The following TMED7 variants were observed in gnomAD, a reference collection of about 807,000 sequenced individuals.
The protein encoded by TMED7 is transmembrane p24 trafficking protein 7.
In TMED7, 8 loss-of-function variants were observed where a neutral mutation model predicts 23.4. That is an observed-to-expected ratio of 0.34 (90% CI 0.20 to 0.62). The LOEUF (loss-of-function observed/expected upper bound fraction) is 0.62, where lower values mean the gene tolerates loss of function less well. Among genes scored for constraint, TMED7 ranks in the 20% least tolerant of loss-of-function variants. TMED7 has a pLI of 0.77. For synonymous variants in TMED7, 121 were observed against 108.5 expected (o/e 1.12, Z -0.72); for missense variants, 232 against 279.1 (o/e 0.83, Z 1.20).
rs923575864 is a variant in TMED7 at position 115,614,512 on chromosome 5, T to G, written c.*1697A>C. 1 of 152,548 alleles carries G rather than the reference T, an allele frequency of 6.6e-6. No homozygotes were observed. Among genetic ancestry groups the G allele is most frequent in the African/African-American group, 2.4e-5 (1 of 41,456 alleles). The allele number at this position is 152,548 out of a possible 1,614,324, so 9.4% of individuals were successfully genotyped here. Reference sequence around the variant, plus strand: ...TCAAATTTAAATATAAAGGGACACTTGCAAAGCCGCAAGACAACTTCAGTA... The same window carrying G: ...TCAAATTTAAATATAAAGGGACACTGGCAAAGCCGCAAGACAACTTCAGTA... On this transcript the variant is annotated 3_prime_UTR_variant, in exon 3 of 3. Coordinates refer to ENST00000456936, the MANE Select transcript of TMED7 (RefSeq NM_181836.6).
chr5:115,621,332 A>C (rs766564995), intron 1 of TMED7, among the ~76,000 whole-genome samples: 1 of 152,212 alleles, frequency 6.6e-6, no homozygotes. Flanking sequence ...GAACTACACT[A>C]TAAGTTGAGT....
At chr5:115,624,265 C>G (rs371769335) in intron 1 of TMED7, among the ~76,000 whole-genome samples, 7 of 152,138 alleles carry the variant, frequency 4.6e-5, no homozygotes, top group South Asian at 4.1e-4. Flanking sequence ...GTAAGTAAGC[C>G]TAAGGGTCAT....
At chr5:115,625,541 G>A (rs1757170758) in intron 1 of TMED7, 60 bp downstream of exon 1, 1 of 1,430,976 alleles carries the variant, frequency 7.0e-7, no homozygotes, top group Admixed American at 2.8e-5. Flanking sequence ...CATCCCTCAA[G>A]TTACACCCCC....
chr5:115,621,768 G>A (rs139478002), intron 1 of TMED7, among the ~76,000 whole-genome samples: 9 of 152,248 alleles, frequency 5.9e-5, no homozygotes, highest in African/African-American at 2.2e-4. Flanking sequence ...CAGAGTGAAC[G>A]TATACACATT....
rs1424994394 is a variant in TMED7 at position 115,615,703 on chromosome 5, TTAAC to T, written c.*502_*505del. On this transcript the variant is annotated 3_prime_UTR_variant, in exon 3 of 3. Transcript: ENST00000456936. The stretch of plus-strand genomic sequence containing the variant: ...TCAATTTTACCATGATATATCAATA[TTAAC>T]TAACATTCCTATGGTAGATTTATTT... The T allele has an allele frequency of 3.9e-5, 6 of 154,044 alleles. No individual in the cohort carries two copies. Among genetic ancestry groups the T allele is most frequent in the African/African-American group, 1.4e-4 (6 of 41,466 alleles). The allele number at this position is 154,044 out of a possible 1,614,324, so 9.5% of individuals were successfully genotyped here.
intron 1 of TMED7, among the ~76,000 whole-genome samples, chr5:115,623,977 T>C (rs963097269): frequency 6.6e-6 from 1 of 152,200 alleles, no homozygotes; most frequent in African/African-American, 2.4e-5. Flanking sequence ...TTAGCCTATC[T>C]AAACCTCAGT....
intron 2 of TMED7, among the ~76,000 whole-genome samples, chr5:115,618,867 T>C (rs1756903703): frequency 6.6e-6 from 1 of 152,136 alleles, no homozygotes. Flanking sequence ...TAAAAAATGG[T>C]GAGAGTAAAA....
intron 1 of TMED7, 45 bp downstream of exon 1, chr5:115,625,556 C>T (rs1413033449): frequency 1.4e-6 from 2 of 1,481,424 alleles, no homozygotes; most frequent in Non-Finnish European, 1.8e-6. Context: ...ACCCCCAATC[C>T]TGGAGCCGCG....
chr5:115,622,139 T>C (rs906410135), intron 1 of TMED7, among the ~76,000 whole-genome samples: 1 of 152,208 alleles, frequency 6.6e-6, no homozygotes, highest in Non-Finnish European at 1.5e-5. Context: ...CATTTTGCTA[T>C]ACTGAATTAT....
chr5:115,625,982 C>T lies in TMED7; in HGVS notation c.-190G>A. The T allele has an allele frequency of 1.4e-6, 1 of 730,008 alleles. No homozygotes were observed. The highest frequency in any genetic ancestry group is 1.9e-6 in the Non-Finnish European group (1 of 523,672). 45.2% of individuals were successfully genotyped at this position (730,008 alleles called of 1,614,324 possible). On this transcript the variant is annotated 5_prime_UTR_variant, in exon 1 of 3. Transcript: ENST00000456936. Reference sequence around the variant, plus strand: ...CCTGTGAGGGGCGCAGACGGGCGGACCTGGGGAGGTAAAAGAGAAGCGGAA... The same window carrying T: ...CCTGTGAGGGGCGCAGACGGGCGGATCTGGGGAGGTAAAAGAGAAGCGGAA...
chr5:115,624,739 T>C (rs768668484), intron 1 of TMED7, among the ~76,000 whole-genome samples: 8 of 152,212 alleles, frequency 5.3e-5, no homozygotes, highest in Non-Finnish European at 7.3e-5. Flanking sequence ...CCTCCTCCCT[T>C]ACCAAGGTGT....
At position 115,615,700 on chromosome 5, in the gene TMED7, A is replaced by G. The variant is rs1756700454; in HGVS notation, c.*509T>C. On this transcript the variant is annotated 3_prime_UTR_variant, in exon 3 of 3. Coordinates refer to ENST00000456936, the MANE Select transcript of TMED7 (RefSeq NM_181836.6). ...AAATCAATTTTACCATGATATATCAATATTAACTAACATTCCTATGGTAGA... is the reference window on the plus strand; with the variant it reads ...AAATCAATTTTACCATGATATATCAGTATTAACTAACATTCCTATGGTAGA... 6.5e-6 allele frequency: 1 copy of G among 154,100 alleles called. No homozygotes were observed. The highest frequency in any genetic ancestry group is 1.4e-5 in the Non-Finnish European group (1 of 68,998). 9.5% of individuals were successfully genotyped at this position (154,100 alleles called of 1,614,324 possible). A position where few individuals can be genotyped will look rare whatever the true frequency, so the allele number is the denominator to read the frequency against.
Position 115,615,184 on chromosome 5 carries a change from A to G in TMED7, c.*1025T>C, listed in dbSNP as rs1756661923. The G allele has an allele frequency of 6.6e-6, 1 of 152,528 alleles. No homozygotes were observed. The highest frequency in any genetic ancestry group is 2.1e-4 in the South Asian group (1 of 4,832). 9.4% of individuals were successfully genotyped at this position (152,528 alleles called of 1,614,324 possible). ...ATTTTTAAATCACTTTAGGGTAGCT[A>G]ACCAGAAACTACAGAAATAAAATAT... On this transcript the variant is annotated 3_prime_UTR_variant, in exon 3 of 3. Transcript: ENST00000456936.
At chr5:115,624,533 A>G (rs924863565) in intron 1 of TMED7, among the ~76,000 whole-genome samples, 2 of 152,192 alleles carry the variant, frequency 1.3e-5, no homozygotes, top group Non-Finnish European at 2.9e-5. Context: ...TATTCTCGTC[A>G]TATCACTGAA....
In TMED7 at chr5:115,624,573, A is replaced by G. The variant is rs112041950; in HGVS notation, c.192+1028T>C. Among the ~76,000 whole-genome samples, 1,448 of 152,220 alleles carry G rather than the reference A, an allele frequency of 9.5e-3. 27 individuals are homozygous for G. Among genetic ancestry groups the G allele is most frequent in the African/African-American group, 0.033 (1,386 of 41,510 alleles). ...TTATAACCCTCTGATGGCTTCCTAC[A>G]CTTTCAGGAAAAACAAATCCTTAAC... On this transcript the variant is annotated intron_variant, in intron 1 of 2. Transcript: ENST00000456936.
At chr5:115,616,739 A>T (rs1756772824) in intron 2 of TMED7, among the ~76,000 whole-genome samples, 1 of 152,232 alleles carries the variant, frequency 6.6e-6, no homozygotes, top group Admixed American at 6.5e-5. Flanking sequence ...ACAATAGCAG[A>T]AATACTTATC....
At chr5:115,620,777 C>T (rs1257445171) in intron 1 of TMED7, 97 bp from the exon 2 acceptor site, 6 of 1,265,926 alleles carry the variant, frequency 4.7e-6, no homozygotes, top group East Asian at 6.1e-5. Flanking sequence ...AGGTGATGGG[C>T]AAAGGACTTT....
intron 1 of TMED7, among the ~76,000 whole-genome samples, chr5:115,624,853 C>CAGAT (rs1321766059): frequency 6.6e-6 from 1 of 152,198 alleles, no homozygotes; most frequent in Non-Finnish European, 1.5e-5. Flanking sequence ...GATGAATGAG[C>CAGAT]AGATACCAGT....
Position 115,615,472 on chromosome 5 carries a change from T to C in TMED7, c.*737A>G, listed in dbSNP as rs1474529467. On this transcript the variant is annotated 3_prime_UTR_variant, in exon 3 of 3. Coordinates refer to ENST00000456936, the MANE Select transcript of TMED7 (RefSeq NM_181836.6). ...ACTCACTAAAAATTTTCCTATTTCA[T>C]TTGCCCCCATTGTAGTGTCTTAAAT... The C allele has an allele frequency of 6.6e-6, 1 of 152,294 alleles. No homozygotes were observed. Among genetic ancestry groups the C allele is most frequent in the East Asian group, 1.9e-4 (1 of 5,200 alleles). 9.4% of individuals were successfully genotyped at this position (152,294 alleles called of 1,614,324 possible).
Sources: allele counts gnomAD v4.1 joint callset (sites outside exome capture counted in the v4.1 genomes callset), GRCh38; gene constraint gnomAD v4.1.1; transcripts MANE v1.5; gene names NCBI Gene and HGNC (gene_info 2026-07-23, HGNC 2026-07-21).